Variants in PEX1 observed in about 807,000 individuals in gnomAD.
PEX1 encodes peroxisomal ATPase PEX1.
A neutral mutation model predicts 152.5 loss-of-function variants in PEX1; 97 were observed. The observed-to-expected ratio is 0.64, with a 90% CI of 0.54 to 0.75. The LOEUF (loss-of-function observed/expected upper bound fraction) is 0.75. Ranked by LOEUF, PEX1 falls within the 30% of genes least tolerant of loss-of-function variation. The pLI is 0.00. For synonymous variants in PEX1, 485 were observed against 531.6 expected, an observed-to-expected ratio of 0.91 and a Z score of 1.21; for missense variants, 1,357 against 1,516.3, an observed-to-expected ratio of 0.89 and a Z score of 1.74.
Position 92,499,565 on chromosome 7 carries a change from A to T in PEX1, c.2718+139T>A. ...AGCAAGAGGAGGAGTGGAATGAAAAAGTTTTGAAATTAGAGAGAGGTGGTG... is the reference window on the plus strand; with the variant it reads ...AGCAAGAGGAGGAGTGGAATGAAAATGTTTTGAAATTAGAGAGAGGTGGTG... On this transcript the variant is annotated intron_variant, in intron 16 of 23. Coordinates refer to ENST00000248633, the MANE Select transcript of PEX1 (RefSeq NM_000466.3). 6 of 708,976 alleles carry T rather than the reference A, an allele frequency of 8.5e-6. No homozygotes were observed. The South Asian group carries it at 1.0e-4, about 12-fold the overall frequency. 43.9% of individuals were successfully genotyped at this position (708,976 alleles called of 1,614,324 possible).
chr7:92,517,969 G>C lies in PEX1; in HGVS notation c.546C>G (p.Arg182=). ...DTKLLIQPKT[R]RAKENTFSKA... ...TTGAAAATGTATTCTCTTTGGCTCG[G>C]CGTGTCTTTGGCTGAATAAGGAGTT... Residue 182 remains arginine, a synonymous_variant, in exon 5 of 24, where the codon CGC becomes CGG. Transcript: ENST00000248633. 1 of 1,611,904 alleles carries C rather than the reference G, an allele frequency of 6.2e-7. No homozygotes were observed. Among genetic ancestry groups the C allele is most frequent in the Non-Finnish European group, 8.5e-7 (1 of 1,179,106 alleles).
chr7:92,521,137 T>A (rs1213528147), intron 2 of PEX1, among the ~76,000 whole-genome samples: 1 of 152,086 alleles, frequency 6.6e-6, no homozygotes, highest in African/African-American at 2.4e-5. Flanking sequence ...TTTTTTTAAT[T>A]TTTTTATAGA....
intron 23 of PEX1, among the ~76,000 whole-genome samples, 195 bp from the exon 24 acceptor site, chr7:92,487,736 G>A (rs1791012761): frequency 1.3e-5 from 2 of 152,112 alleles, no homozygotes; most frequent in African/African-American, 4.8e-5. Flanking sequence ...ACGGAGCAAA[G>A]GGGATGAAGA....
chr7:92,494,240 A>G, intron 19 of PEX1, 53 bp downstream of exon 19: 1 of 1,306,890 alleles, frequency 7.7e-7, no homozygotes, highest in East Asian at 2.3e-5. Flanking sequence ...AAAGCTCACA[A>G]GGAAAGAGTG....
intron 23 of PEX1, among the ~76,000 whole-genome samples, chr7:92,489,083 C>A (rs1251776673): frequency 6.6e-6 from 1 of 152,192 alleles, no homozygotes; most frequent in African/African-American, 2.4e-5. Flanking sequence ...CAAATATAAT[C>A]AAATGAACTG....
chr7:92,519,365 C>T (rs1792952277), intron 2 of PEX1, among the ~76,000 whole-genome samples: 1 of 152,180 alleles, frequency 6.6e-6, no homozygotes, highest in South Asian at 2.1e-4. Context: ...GCTGGGAAAA[C>T]AGGTGCAAGC....
chr7:92,504,267 G>A (rs184170425), intron 12 of PEX1, among the ~76,000 whole-genome samples: 2 of 152,024 alleles, frequency 1.3e-5, no homozygotes, highest in Admixed American at 1.3e-4. Context: ...TTATTGACCT[G>A]TAAAGCCCAG....
Position 92,491,502 on chromosome 7 carries a change from C to T in PEX1, c.3208G>A (p.Asp1070Asn), listed in dbSNP as rs1791319646. 1 of 1,581,752 alleles carries T rather than the reference C, an allele frequency of 6.3e-7. No individual in the cohort carries two copies. The highest frequency in any genetic ancestry group is 8.7e-7 in the Non-Finnish European group (1 of 1,151,094). Reference protein sequence around the residue: ...HGMLLSSGLQDGSSSSDSDLS... With the variant: ...HGMLLSSGLQNGSSSSDSDLS... ...TCACTATCAGAGCTGGAACTTCCAT[C>T]CTAAAATACACAAAAGGACAACCAG... Residue 1070 changes from aspartate to asparagine, a missense_variant and splice_region_variant, in exon 21 of 24, where the codon GAT becomes AAT. Physicochemically the swap from Asp to Asn is conservative, Grantham distance 23. Transcript: ENST00000248633.
rs1791932695 is a variant in PEX1, at chr7:92,501,656, A to G, written c.2434T>C (p.Leu812=). ...CCGCGGAGAGCCTTTTGGAAGTCCA[A>G]TGTTGTTAAAACTAATTCTGTTTAA... The part of the protein sequence containing the change: ...STREKLVLTT[L]DFQKALRGFL... The change falls in exon 15 of 24, where the codon TTG becomes CTG. Residue 812 remains leucine, a synonymous_variant. Transcript: ENST00000248633. 6.2e-7 allele frequency: 1 copy of G among 1,613,516 alleles called. No individual in the cohort carries two copies. The highest frequency in any genetic ancestry group is 1.3e-5 in the African/African-American group (1 of 74,908).
intron 1 of PEX1, among the ~76,000 whole-genome samples, chr7:92,526,987 A>T (rs576596547): frequency 1.3e-5 from 2 of 152,228 alleles, no homozygotes; most frequent in Admixed American, 1.3e-4. Context: ...GATTTATGGA[A>T]TCTATAAAGT....
In PEX1 at chr7:92,502,072, C is replaced by G; in HGVS notation, c.2234G>C (p.Arg745Thr). 6.3e-7 allele frequency: 1 copy of G among 1,596,174 alleles called. No homozygotes were observed. The highest frequency in any genetic ancestry group is 8.6e-7 in the Non-Finnish European group (1 of 1,167,134). ...QHIQPPNQEQRCEILCNVIKN... is the reference protein window; with the variant it reads ...QHIQPPNQEQTCEILCNVIKN... ...TATTACATTACACAGAATTTCACAT[C>G]TTTGTTCCTAAAGAAAAAAACACAA... is the stretch of plus-strand genomic sequence containing the variant. Residue 745 changes from arginine (R) to threonine (T), a missense_variant, in exon 14 of 24, where the codon AGA becomes ACA. Physicochemically the swap from Arg to Thr is moderately conservative, Grantham distance 71. Coordinates refer to ENST00000248633, the MANE Select transcript of PEX1 (RefSeq NM_000466.3).
chr7:92,507,463 C>T, intron 9 of PEX1: 1 of 265,982 alleles, frequency 3.8e-6, no homozygotes, highest in South Asian at 4.1e-5. Flanking sequence ...GTTGCCCAGG[C>T]TAGTCTCCAA....
rs2282977 is a variant in PEX1 at position 92,525,795 on chromosome 7, C to G, written c.129+2512G>C. Among the ~76,000 whole-genome samples, 1,304 of 152,226 alleles carry G rather than the reference C, an allele frequency of 8.6e-3. 54 individuals are homozygous for G. Among genetic ancestry groups the G allele is most frequent in the East Asian group, 0.068 (352 of 5,174 alleles). ...AAACAAGAGAATACAATACTTGAAA[C>G]ACAGTACAGAGTATATCAAATGTGA... is the stretch of plus-strand genomic sequence containing the variant. On this transcript the variant is annotated intron_variant, in intron 1 of 23. Transcript: ENST00000248633.
In PEX1 at chr7:92,507,328, G is replaced by A. The variant is rs939664150; in HGVS notation, c.1671-202C>T. 2.6e-5 allele frequency: 13 copies of A among 491,264 alleles called. No individual in the cohort carries two copies. The Admixed American group carries it at 3.7e-4, about 14-fold the overall frequency. The allele number at this position is 491,264 out of a possible 1,614,324, so 30.4% of individuals were successfully genotyped here. On this transcript the variant is annotated intron_variant, in intron 9 of 23. Coordinates refer to ENST00000248633, the MANE Select transcript of PEX1 (RefSeq NM_000466.3). ...AACCCAGCTCCCTGCAGCCTCAAAC[G>A]CCCTGGCAAAGGTGATCCTCCTGCC...
At chr7:92,508,696 C>T (rs1366294116) in intron 9 of PEX1, among the ~76,000 whole-genome samples, 3 of 151,920 alleles carry the variant, frequency 2.0e-5, no homozygotes, top group African/African-American at 7.3e-5. Flanking sequence ...GTGGAGACTT[C>T]TAAGAGGTAG....
rs1791162051 is a variant in PEX1, at chr7:92,489,610, G to A, written c.3636+104C>T. ...CTGAGTTAATGTGTTCTGGTCCCTT[G>A]TTTATAAATATAGCTCGTTTATAAG... On this transcript the variant is annotated intron_variant, in intron 22 of 23. Coordinates refer to ENST00000248633, the MANE Select transcript of PEX1 (RefSeq NM_000466.3). The A allele has an allele frequency of 7.0e-6, 8 of 1,141,940 alleles. No individual in the cohort carries two copies. In the South Asian group the frequency reaches 7.8e-5, roughly 11 times the overall value. 70.7% of individuals were successfully genotyped at this position (1,141,940 alleles called of 1,614,324 possible).
In PEX1 at chr7:92,494,638, A is replaced by G. The variant is rs1165925911; in HGVS notation, c.2784-9T>C. 1.2e-6 allele frequency: 2 copies of G among 1,613,484 alleles called. No homozygotes were observed. Among genetic ancestry groups the G allele is most frequent in the Admixed American group, 3.3e-5 (2 of 59,980 alleles). ...GCTTTGCAGCCTGTGCTCTGGGAAA[A>G]ACAAACAACATTTCATATTTGAATC... On this transcript the variant is annotated splice_polypyrimidine_tract_variant and intron_variant, in intron 17 of 23. Transcript: ENST00000248633.
At chr7:92,518,573 A>C (rs528165229) in intron 3 of PEX1, among the ~76,000 whole-genome samples, 1 of 152,146 alleles carries the variant, frequency 6.6e-6, no homozygotes, top group East Asian at 1.9e-4. Flanking sequence ...CTATCAATTC[A>C]TTCTTTTTTT....
In PEX1 at chr7:92,517,648, T is replaced by C. The variant is rs1357434321; in HGVS notation, c.867A>G (p.Val289=). 3 of 1,613,782 alleles carry C rather than the reference T, an allele frequency of 1.9e-6. No homozygotes were observed. The highest frequency in any genetic ancestry group is 1.1e-5 in the South Asian group (1 of 91,086). The change falls in exon 5 of 24, where the codon GTA becomes GTG. Residue 289 remains valine (V), a synonymous_variant. Transcript: ENST00000248633. Reference sequence around the variant, plus strand: ...ATATACTAGGAGGTTGAGATTTGCATACTCTGAAAATATTGTCTAGAGGAA... The same window carrying C: ...ATATACTAGGAGGTTGAGATTTGCACACTCTGAAAATATTGTCTAGAGGAA... ...KVVPLDNIFR[V]CKSQPPSIYN... is the part of the protein sequence containing the mutation.
Sources: gnomAD v4.1 joint callset for allele counts (sites outside exome capture counted in the v4.1 genomes callset) on GRCh38, gnomAD v4.1.1 for gene constraint, MANE v1.5 for transcripts, NCBI Gene and HGNC (gene_info 2026-07-23, HGNC 2026-07-21) for gene names.